COL25A1: variants seen among roughly 807,000 people sequenced by gnomAD.
COL25A1 encodes collagen alpha-1(XXV) chain.
Under a neutral mutation model 128.4 loss-of-function variants are expected in COL25A1, and 103 were observed. The observed-to-expected ratio is 0.80, with a 90% CI of 0.68 to 0.94. The LOEUF is 0.94. Ranked by LOEUF, COL25A1 falls within the 40% of genes least tolerant of loss-of-function variation. COL25A1 has a pLI of 0.00. For missense variants in COL25A1, 745 were observed against 840.0 expected, an observed-to-expected ratio of 0.89 and a Z score of 1.40; for synonymous variants, 279 against 277.2, an observed-to-expected ratio of 1.01 and a Z score of -0.06.
intron 3 of COL25A1, among the ~76,000 whole-genome samples, chr4:109,060,063 C>T (rs1761820346): frequency 6.6e-6 from 1 of 152,198 alleles, no homozygotes; most frequent in Non-Finnish European, 1.5e-5. Context: ...TCTTCATCTA[C>T]AAACTAACCT....
At chr4:108,819,533 T>A (rs924267933) in intron 35 of COL25A1, among the ~76,000 whole-genome samples, 1 of 152,198 alleles carries the variant, frequency 6.6e-6, no homozygotes, top group Non-Finnish European at 1.5e-5. Flanking sequence ...TGGCCTCCTC[T>A]TTTGAAGGGT....
At chr4:108,985,404 A>C (rs2126004522) in intron 6 of COL25A1, among the ~76,000 whole-genome samples, 1 of 152,272 alleles carries the variant, frequency 6.6e-6, no homozygotes, top group South Asian at 2.1e-4. Context: ...CCCTCATTTT[A>C]ATGTCTTGTC....
intron 11 of COL25A1, among the ~76,000 whole-genome samples, chr4:108,926,363 T>TA (rs1430089402): frequency 6.6e-6 from 1 of 152,006 alleles, no homozygotes; most frequent in Non-Finnish European, 1.5e-5. Flanking sequence ...GCTTCTGTAA[T>TA]AAAAAACACA....
At position 108,976,480 on chromosome 4, in the gene COL25A1, C is replaced by T. The variant is rs553526383; in HGVS notation, c.439-1921G>A. Among the ~76,000 whole-genome samples the T allele has an allele frequency of 1.3e-4, 20 of 152,292 alleles. No homozygotes were observed. The East Asian group carries it at 3.9e-3, about 29-fold the overall frequency. ...CATTGAGATTTTCCTTACCTTTGAA[C>T]AGAAATACTAATTCTAGAGGCACTG... On this transcript the variant is annotated intron_variant, in intron 6 of 37. Coordinates refer to ENST00000399132, the MANE Select transcript of COL25A1 (RefSeq NM_198721.4).
intron 3 of COL25A1, among the ~76,000 whole-genome samples, chr4:109,194,812 C>A (rs2126168871): frequency 6.6e-6 from 1 of 152,256 alleles, no homozygotes; most frequent in South Asian, 2.1e-4. Flanking sequence ...AAGAATATTT[C>A]TCTGCTCCTT....
rs1229655997 is a variant in COL25A1, at chr4:108,813,432, GC to G, written c.*494del. On this transcript the variant is annotated 3_prime_UTR_variant, in exon 38 of 38. Transcript: ENST00000399132. ...GCAAGCAGGTTTGGCACACAGTCAT[GC>G]TTTTTTAGTTAGTTTCAATGGGTGG... is the stretch of plus-strand genomic sequence containing the variant. 1.3e-5 allele frequency: 2 copies of G among 153,560 alleles called. No individual in the cohort carries two copies. Among genetic ancestry groups the G allele is most frequent in the African/African-American group, 4.8e-5 (2 of 41,484 alleles). The allele number at this position is 153,560 out of a possible 1,614,324, so 9.5% of individuals were successfully genotyped here.
chr4:108,828,288 C>A (rs549296482), intron 32 of COL25A1, among the ~76,000 whole-genome samples: 95 of 152,220 alleles, frequency 6.2e-4, no homozygotes, highest in African/African-American at 2.2e-3. Context: ...CAGGTGCCCG[C>A]CACGCCTGGC....
chr4:109,150,007 T>G (rs555176341), intron 3 of COL25A1, among the ~76,000 whole-genome samples: 43 of 151,714 alleles, frequency 2.8e-4, no homozygotes, highest in African/African-American at 1.0e-3. Flanking sequence ...TGGGTGTGTG[T>G]GTGTGTATGT....
At position 109,152,021 on chromosome 4, in the gene COL25A1, GT is replaced by G. The variant is rs563468757; in HGVS notation, c.368-101843del. 2.3e-3 allele frequency among the ~76,000 whole-genome samples: 343 copies of G among 151,820 alleles called. 1 individual carries two copies. Among genetic ancestry groups the G allele is most frequent in the African/African-American group, 7.6e-3 (315 of 41,366 alleles). ...AATGATGTTCCTAGATGAAATGTAT[GT>G]GTTTAGAAGTACAACTTCAATTCTT... is the stretch of plus-strand genomic sequence containing the variant. On this transcript the variant is annotated intron_variant, in intron 3 of 37. Coordinates refer to ENST00000399132, the MANE Select transcript of COL25A1 (RefSeq NM_198721.4).
At chr4:108,849,069 G>C in intron 26 of COL25A1, among the ~76,000 whole-genome samples, 1 of 151,950 alleles carries the variant, frequency 6.6e-6, no homozygotes, top group East Asian at 1.9e-4. Context: ...CTAAAAAAGA[G>C]TGGTCAAGGA....
Position 108,844,343 on chromosome 4 carries a change from G to A in COL25A1, c.1629+176C>T, listed in dbSNP as rs1329609636. Among the ~76,000 whole-genome samples, 4 of 152,172 alleles carry A rather than the reference G, an allele frequency of 2.6e-5. No homozygotes were observed. The East Asian group carries it at 5.8e-4, about 22-fold the overall frequency. On this transcript the variant is annotated intron_variant, in intron 30 of 37. Coordinates refer to ENST00000399132, the MANE Select transcript of COL25A1 (RefSeq NM_198721.4). ...ATCTCTTCCCAACATATGTGTTTGG[G>A]AGAGTGAATGACAACACTGTAAAGT...
At chr4:108,914,560 G>A (rs778858129) in intron 13 of COL25A1, among the ~76,000 whole-genome samples, 1 of 151,404 alleles carries the variant, frequency 6.6e-6, no homozygotes, top group Non-Finnish European at 1.5e-5. Context: ...CTACCTCTAT[G>A]TGTATTTCTG....
rs1344774554 is a variant in COL25A1 at position 108,810,801 on chromosome 4, C to T, written c.*3126G>A. On this transcript the variant is annotated 3_prime_UTR_variant, in exon 38 of 38. Transcript: ENST00000399132. ...CCTGGTCATTGGACCATAATTATAG[C>T]AAATTCATGAACTTTAAAAATAAAA... 1 of 151,914 alleles carries T rather than the reference C, an allele frequency of 6.6e-6. No homozygotes were observed. The highest frequency in any genetic ancestry group is 2.4e-5 in the African/African-American group (1 of 41,412). 9.4% of individuals were successfully genotyped at this position (151,914 alleles called of 1,614,324 possible).
chr4:109,247,179 C>G (rs1051155917), intron 3 of COL25A1, among the ~76,000 whole-genome samples: 1 of 152,148 alleles, frequency 6.6e-6, no homozygotes, highest in Non-Finnish European at 1.5e-5. Context: ...GCCTGGCCAA[C>G]ATGGTAAAAC....
intron 3 of COL25A1, among the ~76,000 whole-genome samples, chr4:109,219,733 T>A (rs1383457560): frequency 6.6e-6 from 1 of 152,192 alleles, no homozygotes; most frequent in Non-Finnish European, 1.5e-5. Flanking sequence ...AGGAAAAAGC[T>A]ATTACTTTCT....
intron 3 of COL25A1, among the ~76,000 whole-genome samples, chr4:109,271,824 T>A (rs1267139125): frequency 6.6e-6 from 1 of 152,214 alleles, no homozygotes; most frequent in Non-Finnish European, 1.5e-5. Context: ...CTAAACTTTT[T>A]CAAAGAATTT....
chr4:108,912,013 T>C (rs1439541624), intron 13 of COL25A1, among the ~76,000 whole-genome samples: 1 of 152,174 alleles, frequency 6.6e-6, no homozygotes. Flanking sequence ...CTTATTTTAT[T>C]TCAAGCCAGC....
chr4:109,105,499 A>G (rs1336720290), intron 3 of COL25A1, among the ~76,000 whole-genome samples: 1 of 152,208 alleles, frequency 6.6e-6, no homozygotes, highest in African/African-American at 2.4e-5. Flanking sequence ...TCAAATAAAC[A>G]AACAAAATTC....
At chr4:108,916,737 A>C (rs2125893357) in intron 13 of COL25A1, among the ~76,000 whole-genome samples, 1 of 152,306 alleles carries the variant, frequency 6.6e-6, no homozygotes, top group Non-Finnish European at 1.5e-5. Flanking sequence ...GCAATATTCT[A>C]AACAGAATAT....
Sources: gnomAD v4.1 joint callset for allele counts (sites outside exome capture counted in the v4.1 genomes callset) on GRCh38, gnomAD v4.1.1 for gene constraint, MANE v1.5 for transcripts, NCBI Gene and HGNC (gene_info 2026-07-23, HGNC 2026-07-21) for gene names.